Variants in BCKDHB observed in about 807,000 individuals in gnomAD.
BCKDHB encodes branched chain keto acid dehydrogenase E1 subunit beta.
BCKDHB carries 41 observed loss-of-function variants against 48.5 expected under a neutral mutation model. That is an observed-to-expected ratio of 0.85 (90% CI 0.66 to 1.10). The LOEUF is 1.10. Among genes scored for constraint, BCKDHB ranks in the 50% least tolerant of loss-of-function variants. The pLI is 0.00. For missense variants in BCKDHB, 496 were observed against 494.2 expected, an observed-to-expected ratio of 1.00 and a Z score of -0.03; for synonymous variants, 201 against 174.8, an observed-to-expected ratio of 1.15 and a Z score of -1.18.
chr6:80,398,080 G>A, the BCKDHB span, among the ~76,000 whole-genome samples: 11 of 152,108 alleles, frequency 7.2e-5, no homozygotes, highest in African/African-American at 1.7e-4. Flanking sequence ...AGTTAAGAGA[G>A]TGTTAAGAGA....
intron 9 of BCKDHB, among the ~76,000 whole-genome samples, chr6:80,284,876 A>G (rs956144325): frequency 6.6e-6 from 1 of 152,106 alleles, no homozygotes; most frequent in Admixed American, 6.6e-5. Context: ...CTGGGCTTCA[A>G]AAAGCAGTAG....
intron 8 of BCKDHB, among the ~76,000 whole-genome samples, chr6:80,229,386 G>T (rs960942437): frequency 1.3e-5 from 2 of 152,212 alleles, no homozygotes; most frequent in African/African-American, 4.8e-5. Context: ...GAGAAGAAGA[G>T]TTGGCAGCAT....
intron 9 of BCKDHB, among the ~76,000 whole-genome samples, chr6:80,317,644 CT>C (rs1235915672): frequency 1.3e-5 from 2 of 152,270 alleles, no homozygotes; most frequent in African/African-American, 4.8e-5. Flanking sequence ...TGCAAAGTCC[CT>C]TTTGCCATGT....
At chr6:80,132,064 T>C (rs1416380399) in intron 3 of BCKDHB, among the ~76,000 whole-genome samples, 1 of 152,122 alleles carries the variant, frequency 6.6e-6, no homozygotes, top group Non-Finnish European at 1.5e-5. Context: ...CTTTTTAAAA[T>C]TTTTATTAAA....
chr6:80,408,726 A>G, the BCKDHB span, among the ~76,000 whole-genome samples: 22 of 145,406 alleles, frequency 1.5e-4, no homozygotes, highest in Admixed American at 1.2e-3. Context: ...TTTTTATTGC[A>G]TCTATTTGAG....
the BCKDHB span, among the ~76,000 whole-genome samples, chr6:80,418,036 A>T: frequency 6.6e-6 from 1 of 151,580 alleles, no homozygotes; most frequent in Non-Finnish European, 1.5e-5. Context: ...TTTCCTTTTC[A>T]TTCATTTTTC....
intron 8 of BCKDHB, among the ~76,000 whole-genome samples, chr6:80,247,934 C>T (rs1272744995): frequency 6.6e-6 from 1 of 152,192 alleles, no homozygotes; most frequent in African/African-American, 2.4e-5. Context: ...TAAAAATCTA[C>T]AGTGTTTTGC....
intron 1 of BCKDHB, among the ~76,000 whole-genome samples, chr6:80,121,100 C>A (rs1055330794): frequency 6.6e-6 from 1 of 152,266 alleles, no homozygotes; most frequent in East Asian, 1.9e-4. Flanking sequence ...GTTTTCCCAG[C>A]ACCATTTATT....
chr6:80,151,731 T>G (rs1299099196), intron 3 of BCKDHB, among the ~76,000 whole-genome samples: 1 of 152,228 alleles, frequency 6.6e-6, no homozygotes, highest in Non-Finnish European at 1.5e-5. Flanking sequence ...TTTGTCATAT[T>G]GTTCCCTTTG....
chr6:80,338,639 T>C (rs1181498634), intron 9 of BCKDHB, among the ~76,000 whole-genome samples: 3 of 152,212 alleles, frequency 2.0e-5, no homozygotes, highest in African/African-American at 7.2e-5. Context: ...GTTTGACCGT[T>C]CTGTGTACCT....
intron 8 of BCKDHB, among the ~76,000 whole-genome samples, chr6:80,229,784 A>C (rs915138342): frequency 6.6e-6 from 1 of 152,100 alleles, no homozygotes; most frequent in East Asian, 1.9e-4. Context: ...TCATATTATT[A>C]GTAAGAAATA....
chr6:80,268,411 T>A (rs1233367041), intron 8 of BCKDHB, among the ~76,000 whole-genome samples: 2 of 152,118 alleles, frequency 1.3e-5, no homozygotes, highest in African/African-American at 4.8e-5. Flanking sequence ...CAGAAGGAAC[T>A]GATACAGACC....
At chr6:80,303,715 G>C (rs1357535275) in intron 9 of BCKDHB, among the ~76,000 whole-genome samples, 1 of 152,048 alleles carries the variant, frequency 6.6e-6, no homozygotes, top group Non-Finnish European at 1.5e-5. Context: ...TCTGTAAAGA[G>C]AGGTAGGGCA....
chr6:80,249,987 G>A lies in BCKDHB; in HGVS notation c.952-23148G>A, dbSNP rs3793004. 7.6e-3 allele frequency among the ~76,000 whole-genome samples: 1,155 copies of A among 152,224 alleles called. 41 individuals carry two copies. The East Asian group carries it at 0.11, about 15-fold the overall frequency. On this transcript the variant is annotated intron_variant, in intron 8 of 9. Transcript: ENST00000320393. ...TTATAGAATGTAGATTCTGTGAGGG[G>A]AAGGGTTTTGCCCATTTTCTTCACT... is the stretch of plus-strand genomic sequence containing the variant.
At chr6:80,430,699 T>A in the BCKDHB span, among the ~76,000 whole-genome samples, 1 of 152,012 alleles carries the variant, frequency 6.6e-6, no homozygotes, top group Non-Finnish European at 1.5e-5. Context: ...ATCTATTTGA[T>A]TCTTCTCCCT....
At chr6:80,382,733 G>C in the BCKDHB span, among the ~76,000 whole-genome samples, 1 of 151,896 alleles carries the variant, frequency 6.6e-6, no homozygotes, top group African/African-American at 2.4e-5. Flanking sequence ...TCCTTCACTT[G>C]AAATCCAAAG....
chr6:80,293,366 G>A (rs1460492211), intron 9 of BCKDHB, among the ~76,000 whole-genome samples: 4 of 152,214 alleles, frequency 2.6e-5, no homozygotes, highest in Admixed American at 2.6e-4. Context: ...CGTGGAAGCT[G>A]CCATGGCTTG....
chr6:80,124,721 G>A (rs907406137), intron 1 of BCKDHB, among the ~76,000 whole-genome samples: 3 of 152,124 alleles, frequency 2.0e-5, no homozygotes, highest in African/African-American at 2.4e-5. Flanking sequence ...TGACCAAGGC[G>A]CATTGTCAAT....
At chr6:80,325,160 A>G (rs1188627744) in intron 9 of BCKDHB, among the ~76,000 whole-genome samples, 2 of 152,188 alleles carry the variant, frequency 1.3e-5, no homozygotes, top group Admixed American at 6.5e-5. Flanking sequence ...ATATAATATA[A>G]TAAACATCAA....
Sources: gnomAD v4.1 joint callset for allele counts (sites outside exome capture counted in the v4.1 genomes callset) on GRCh38, gnomAD v4.1.1 for gene constraint, MANE v1.5 for transcripts, NCBI Gene and HGNC (gene_info 2026-07-23, HGNC 2026-07-21) for gene names.